Variants in LRP1B observed in about 807,000 individuals in gnomAD.
LRP1B encodes LDL receptor related protein 1B, also known as low-density lipoprotein receptor-related protein 1B.
A neutral mutation model predicts 556.6 loss-of-function variants in LRP1B; 217 were observed. The observed-to-expected ratio is 0.39, with a 90% confidence interval of 0.35 to 0.44. The LOEUF (loss-of-function observed/expected upper bound fraction) is 0.44. Ranked by LOEUF, LRP1B falls within the 20% of genes least tolerant of loss-of-function variation. The probability of loss-of-function intolerance (pLI) is 1.00; values close to 1 mark genes in which losing one functional copy is unlikely to be tolerated. For synonymous variants in LRP1B, 2,047 were observed against 1,865.8 expected, an observed-to-expected ratio of 1.10 and a Z score of -2.50; for missense variants, 5,053 against 5,620.8, an observed-to-expected ratio of 0.90 and a Z score of 3.23.
At chr2:140,832,078 A>C (rs974948344) in intron 31 of LRP1B, among the ~76,000 whole-genome samples, 3 of 152,168 alleles carry the variant, frequency 2.0e-5, no homozygotes, top group African/African-American at 7.2e-5. Context: ...TGGGAAAGTA[A>C]TTTAATACAG....
At chr2:142,022,546 G>C (rs1253400400) in intron 1 of LRP1B, among the ~76,000 whole-genome samples, 5 of 152,082 alleles carry the variant, frequency 3.3e-5, no homozygotes, top group African/African-American at 1.2e-4. Flanking sequence ...GGAGATTTCT[G>C]TCACTGCAGG....
intron 20 of LRP1B, among the ~76,000 whole-genome samples, chr2:140,923,991 T>A (rs954713342): frequency 4.6e-5 from 7 of 152,074 alleles, no homozygotes; most frequent in African/African-American, 1.7e-4. Flanking sequence ...TAATCTGTAT[T>A]TCCAAATATT....
chr2:141,122,916 A>G (rs1701099638), intron 7 of LRP1B, among the ~76,000 whole-genome samples: 1 of 152,208 alleles, frequency 6.6e-6, no homozygotes, highest in South Asian at 2.1e-4. Context: ...AATACTATGC[A>G]GCCATAAAAA....
intron 41 of LRP1B, among the ~76,000 whole-genome samples, chr2:140,632,276 G>GT (rs531475412): frequency 7.8e-4 from 119 of 152,082 alleles, no homozygotes; most frequent in African/African-American, 2.7e-3. Flanking sequence ...TCTGATAGCT[G>GT]TTTTTTTAAA....
intron 2 of LRP1B, among the ~76,000 whole-genome samples, chr2:141,643,970 A>T (rs936838394): frequency 6.6e-6 from 1 of 151,644 alleles, no homozygotes; most frequent in Non-Finnish European, 1.5e-5. Flanking sequence ...CTCATGGCAC[A>T]TGATAGGTGC....
At chr2:141,230,403 C>T (rs771222996) in intron 5 of LRP1B, among the ~76,000 whole-genome samples, 12 of 152,118 alleles carry the variant, frequency 7.9e-5, no homozygotes, top group Admixed American at 1.3e-4. Context: ...TGCCTGGTTT[C>T]CCTTTTTCCA....
intron 31 of LRP1B, among the ~76,000 whole-genome samples, chr2:140,829,406 CA>C (rs1231474018): frequency 6.6e-6 from 1 of 151,986 alleles, no homozygotes; most frequent in Non-Finnish European, 1.5e-5. Context: ...TCAACAAATT[CA>C]AAAAAGTCAA....
intron 31 of LRP1B, among the ~76,000 whole-genome samples, chr2:140,819,464 T>A (rs1230777378): frequency 6.6e-6 from 1 of 151,812 alleles, no homozygotes; most frequent in Non-Finnish European, 1.5e-5. Context: ...AAGGTAAGTA[T>A]CAACAAAAGA....
chr2:141,787,472 G>C (rs1695463622), intron 2 of LRP1B, among the ~76,000 whole-genome samples: 1 of 151,802 alleles, frequency 6.6e-6, no homozygotes. Flanking sequence ...TATGCTGTGT[G>C]AAAGAAGCCA....
At chr2:141,225,938 T>A (rs1683228483) in intron 6 of LRP1B, among the ~76,000 whole-genome samples, 1 of 152,146 alleles carries the variant, frequency 6.6e-6, no homozygotes, top group South Asian at 2.1e-4. Context: ...TTAGAGGGCC[T>A]GTCTTTGTAA....
intron 1 of LRP1B, among the ~76,000 whole-genome samples, chr2:141,857,353 T>G (rs1280166961): frequency 6.6e-6 from 1 of 152,078 alleles, no homozygotes; most frequent in Non-Finnish European, 1.5e-5. Flanking sequence ...TATTTATTTA[T>G]GTTTTGAGAC....
At chr2:142,031,376 T>C (rs1261520419) in intron 1 of LRP1B, among the ~76,000 whole-genome samples, 7 of 118,810 alleles carry the variant, frequency 5.9e-5, no homozygotes, top group Non-Finnish European at 1.2e-4. Flanking sequence ...AGGGTACATG[T>C]GCACATTGTG....
In LRP1B at chr2:140,529,032, G is replaced by A. The variant is rs2380882; in HGVS notation, c.7763-2682C>T. Among the ~76,000 whole-genome samples, 1,142 of 152,066 alleles carry A rather than the reference G, an allele frequency of 7.5e-3. 14 individuals are homozygous for A. The highest frequency in any genetic ancestry group is 0.026 in the African/African-American group (1,100 of 41,532). On this transcript the variant is annotated intron_variant, in intron 47 of 90. Transcript: ENST00000389484. The stretch of plus-strand genomic sequence containing the variant: ...AAGAGTCCTGATAAAGAGAGAAAAT[G>A]AAATAATAGGGTCCAAATAAAGATA...
rs1680552311 is a variant in LRP1B, at chr2:140,233,339, A to G, written c.13660-13T>C. On this transcript the variant is annotated splice_polypyrimidine_tract_variant and intron_variant, in intron 90 of 90. Transcript: ENST00000389484. ...AGTAATTTGTTGGCTGAAGGAGAAAAAAAATAAATATAATTTTATTACTGG... is the reference window on the plus strand; with the variant it reads ...AGTAATTTGTTGGCTGAAGGAGAAAGAAAATAAATATAATTTTATTACTGG... 6.4e-7 allele frequency: 1 copy of G among 1,554,224 alleles called. No homozygotes were observed. Among genetic ancestry groups the G allele is most frequent in the Non-Finnish European group, 8.7e-7 (1 of 1,148,470 alleles).
At chr2:141,758,552 T>C (rs1231729146) in intron 2 of LRP1B, among the ~76,000 whole-genome samples, 1 of 152,052 alleles carries the variant, frequency 6.6e-6, no homozygotes. Context: ...AATTAATAGG[T>C]AATCACTAAA....
intron 1 of LRP1B, among the ~76,000 whole-genome samples, chr2:141,871,796 C>G (rs577102551): frequency 6.6e-6 from 1 of 152,040 alleles, no homozygotes; most frequent in African/African-American, 2.4e-5. Flanking sequence ...TGAATCTCTC[C>G]ACTCACACTT....
chr2:140,549,776 C>A (rs1264324929), intron 43 of LRP1B, among the ~76,000 whole-genome samples: 1 of 152,050 alleles, frequency 6.6e-6, no homozygotes, highest in African/African-American at 2.4e-5. Context: ...ACACAGAGAT[C>A]ATGGGGAGAT....
At chr2:141,161,577 A>G (rs758190272) in intron 7 of LRP1B, among the ~76,000 whole-genome samples, 11 of 152,170 alleles carry the variant, frequency 7.2e-5, no homozygotes, top group Non-Finnish European at 1.6e-4. Flanking sequence ...TTTGTAAAGC[A>G]AAGGCATTGG....
chr2:140,702,968 T>C (rs1047246687), intron 37 of LRP1B, among the ~76,000 whole-genome samples: 2 of 152,142 alleles, frequency 1.3e-5, no homozygotes, highest in African/African-American at 4.8e-5. Context: ...CCTTACATTA[T>C]CATTTATTAT....
Sources: allele counts gnomAD v4.1 joint callset (sites outside exome capture counted in the v4.1 genomes callset), GRCh38; gene constraint gnomAD v4.1.1; transcripts MANE v1.5; gene names NCBI Gene and HGNC (gene_info 2026-07-23, HGNC 2026-07-21).